ANKFN1: variants seen among roughly 807,000 people sequenced by gnomAD.
ANKFN1 encodes the protein ankyrin repeat and fibronectin type III domain containing 1.
A neutral mutation model predicts 108.7 loss-of-function variants in ANKFN1; 74 were observed. That is an observed-to-expected ratio of 0.68 (90% CI 0.56 to 0.83). The LOEUF (loss-of-function observed/expected upper bound fraction) is 0.83. Ranked by LOEUF, ANKFN1 falls within the 40% of genes least tolerant of loss-of-function variation. The pLI is 0.00. For missense variants in ANKFN1, 1,505 were observed against 1,382.3 expected (o/e 1.09, Z -1.41); for synonymous variants, 547 against 516.2 (o/e 1.06, Z -0.81).
At chr17:56,399,844 TATATA>T (rs2047700107) in intron 8 of ANKFN1, among the ~76,000 whole-genome samples, 2 of 111,982 alleles carry the variant, frequency 1.8e-5, no homozygotes, top group Admixed American at 7.4e-5. Flanking sequence ...TTCCATTTTT[TATATA>T]TATATATATA....
At chr17:56,232,493 T>A (rs1446180210) in intron 3 of ANKFN1, among the ~76,000 whole-genome samples, 10 of 152,164 alleles carry the variant, frequency 6.6e-5, no homozygotes, top group Admixed American at 6.6e-4. Flanking sequence ...TGGTTTTGAA[T>A]ATGATGCAAA....
At chr17:56,206,132 A>G (rs1296178610) in intron 1 of ANKFN1, among the ~76,000 whole-genome samples, 1 of 152,182 alleles carries the variant, frequency 6.6e-6, no homozygotes, top group East Asian at 1.9e-4. Context: ...ATGATAAAAA[A>G]TTTTGGAGAA....
At chr17:56,300,495 A>G (rs1307553394) in intron 3 of ANKFN1, among the ~76,000 whole-genome samples, 1 of 152,052 alleles carries the variant, frequency 6.6e-6, no homozygotes, top group Non-Finnish European at 1.5e-5. Context: ...ACTCATAAAA[A>G]TGGTTTGTCA....
chr17:56,502,795 A>C (rs981721602), intron 20 of ANKFN1, among the ~76,000 whole-genome samples: 1 of 152,232 alleles, frequency 6.6e-6, no homozygotes, highest in Non-Finnish European at 1.5e-5. Flanking sequence ...TGCTAGAAAT[A>C]TAGAGCCTAT....
chr17:56,416,578 G>C (rs1211110402), intron 8 of ANKFN1, among the ~76,000 whole-genome samples: 2 of 152,206 alleles, frequency 1.3e-5, no homozygotes, highest in African/African-American at 4.8e-5. Flanking sequence ...AGGATGTGGA[G>C]AAAAGGAAAT....
chr17:56,104,149 C>A (rs1480412464), intron 4 of ANKFN1, among the ~76,000 whole-genome samples: 1 of 152,178 alleles, frequency 6.6e-6, no homozygotes, highest in Non-Finnish European at 1.5e-5. Flanking sequence ...ATTTAGAAAT[C>A]ATGTGACCTG....
At chr17:56,331,300 A>C (rs1455044917) in intron 4 of ANKFN1, among the ~76,000 whole-genome samples, 2 of 152,156 alleles carry the variant, frequency 1.3e-5, no homozygotes, top group African/African-American at 2.4e-5. Context: ...CTCTGAAAAA[A>C]ATATTTCAAT....
At chr17:56,403,034 G>T (rs1002732217) in intron 8 of ANKFN1, among the ~76,000 whole-genome samples, 1 of 152,080 alleles carries the variant, frequency 6.6e-6, no homozygotes, top group Non-Finnish European at 1.5e-5. Context: ...TTGACTTCCA[G>T]TTTTATTCCA....
chr17:56,052,944 C>A (rs775870353), intron 4 of ANKFN1, among the ~76,000 whole-genome samples: 2 of 152,094 alleles, frequency 1.3e-5, no homozygotes, highest in Non-Finnish European at 1.5e-5. Context: ...AGTCTGCATT[C>A]TTAATCACTG....
At chr17:56,110,244 C>A (rs1319927785) in intron 4 of ANKFN1, among the ~76,000 whole-genome samples, 1 of 152,190 alleles carries the variant, frequency 6.6e-6, no homozygotes, top group Non-Finnish European at 1.5e-5. Context: ...TACATACCAT[C>A]TTTTCTAGCT....
At chr17:56,323,745 A>G (rs1255930303) in intron 3 of ANKFN1, among the ~76,000 whole-genome samples, 1 of 152,210 alleles carries the variant, frequency 6.6e-6, no homozygotes, top group African/African-American at 2.4e-5. Flanking sequence ...AAGCACTTCA[A>G]CAAAACATCA....
intron 4 of ANKFN1, among the ~76,000 whole-genome samples, chr17:56,102,401 G>A (rs1445676244): frequency 6.6e-6 from 1 of 152,098 alleles, no homozygotes; most frequent in African/African-American, 2.4e-5. Flanking sequence ...TAAATATAAA[G>A]GCTAATTATG....
At position 56,492,327 on chromosome 17, in the gene ANKFN1, C is replaced by T; in HGVS notation, c.2401C>T (p.His801Tyr). 1 of 702,352 alleles carries T rather than the reference C, an allele frequency of 1.4e-6. No individual in the cohort carries two copies. The highest frequency in any genetic ancestry group is 2.6e-6 in the Non-Finnish European group (1 of 384,578). 43.5% of individuals were successfully genotyped at this position (702,352 alleles called of 1,614,324 possible). The stretch of plus-strand genomic sequence containing the variant: ...CGAGGTTGCAGCTGCCAAACAAAGA[C>T]ACCAGCAAGTTTTAGATTTCATTCA... ...DSEVAAAKQR[H>Y]QQVLDFIQQI... Residue 801 changes from histidine (H) to tyrosine (Y), a missense_variant, in exon 19 of 21, where the codon CAC becomes TAC. Coordinates refer to ENST00000682825, the MANE Select transcript of ANKFN1 (RefSeq NM_001370326.1).
intron 8 of ANKFN1, among the ~76,000 whole-genome samples, chr17:56,427,753 C>A (rs2048616682): frequency 6.6e-6 from 1 of 152,050 alleles, no homozygotes; most frequent in African/African-American, 2.4e-5. Context: ...GCTATTAATC[C>A]ATTTATTACT....
intron 2 of ANKFN1, among the ~76,000 whole-genome samples, chr17:56,213,850 A>G (rs1184079957): frequency 6.6e-6 from 1 of 152,222 alleles, no homozygotes; most frequent in Non-Finnish European, 1.5e-5. Flanking sequence ...TCACTTAAAC[A>G]TTTCATATGT....
intron 1 of ANKFN1, among the ~76,000 whole-genome samples, chr17:56,194,731 A>C (rs1177679773): frequency 6.6e-6 from 1 of 152,178 alleles, no homozygotes; most frequent in Non-Finnish European, 1.5e-5. Context: ...CCCTAATGTA[A>C]ACTGTAAACT....
intron 3 of ANKFN1, among the ~76,000 whole-genome samples, chr17:56,302,305 A>G (rs2044692117): frequency 6.6e-6 from 1 of 152,154 alleles, no homozygotes; most frequent in Admixed American, 6.5e-5. Context: ...CAGGAGGATC[A>G]CTTGAGACCA....
intron 3 of ANKFN1, among the ~76,000 whole-genome samples, chr17:56,234,118 C>T (rs1916937127): frequency 1.3e-5 from 2 of 152,128 alleles, no homozygotes; most frequent in African/African-American, 2.4e-5. Context: ...TGGTTGGTAG[C>T]ATTTGCCAAT....
intron 6 of ANKFN1, among the ~76,000 whole-genome samples, chr17:56,357,970 C>T (rs531497851): frequency 3.9e-5 from 6 of 152,254 alleles, no homozygotes; most frequent in African/African-American, 4.8e-5. Flanking sequence ...CCCAACACAA[C>T]AAAGTTAATA....
Sources: allele counts gnomAD v4.1 joint callset (sites outside exome capture counted in the v4.1 genomes callset), GRCh38; gene constraint gnomAD v4.1.1; transcripts MANE v1.5; gene names NCBI Gene and HGNC (gene_info 2026-07-23, HGNC 2026-07-21).